The following PPP3CA variants were observed in gnomAD, a reference collection of about 807,000 sequenced individuals.
PPP3CA encodes CAM-PRP catalytic subunit.
A neutral mutation model predicts 66.5 loss-of-function variants in PPP3CA; 14 were observed. The observed-to-expected ratio is 0.21, with a 90% CI of 0.14 to 0.33. The LOEUF is 0.33. Ranked by LOEUF, PPP3CA falls within the 10% of genes least tolerant of loss-of-function variation. The pLI is 1.00. For synonymous variants in PPP3CA, 232 were observed against 226.2 expected (o/e 1.03, Z -0.23); for missense variants, 317 against 639.5 (o/e 0.50, Z 5.44).
At chr4:101,137,458 G>T (rs1578484109) in intron 2 of PPP3CA, among the ~76,000 whole-genome samples, 1 of 152,080 alleles carries the variant, frequency 6.6e-6, no homozygotes, top group East Asian at 1.9e-4. Context: ...CATGCTCGGT[G>T]TGAGAACGCA....
At chr4:101,057,927 T>C (rs1183792515) in intron 10 of PPP3CA, among the ~76,000 whole-genome samples, 1 of 152,102 alleles carries the variant, frequency 6.6e-6, no homozygotes, top group East Asian at 1.9e-4. Flanking sequence ...TTTTCACCTC[T>C]CCTCATCTCT....
intron 1 of PPP3CA, among the ~76,000 whole-genome samples, chr4:101,229,024 G>A (rs1301513713): frequency 6.6e-6 from 1 of 151,602 alleles, no homozygotes; most frequent in African/African-American, 2.4e-5. Context: ...ACAATAAGCT[G>A]TTTCTACAGT....
intron 1 of PPP3CA, among the ~76,000 whole-genome samples, chr4:101,234,213 C>T (rs570712387): frequency 6.6e-6 from 1 of 151,810 alleles, no homozygotes; most frequent in South Asian, 2.1e-4. Context: ...TATATGTGTG[C>T]ATATATCTTT....
At chr4:101,149,505 A>G (rs987363312) in intron 2 of PPP3CA, among the ~76,000 whole-genome samples, 1 of 152,174 alleles carries the variant, frequency 6.6e-6, no homozygotes, top group Non-Finnish European at 1.5e-5. Flanking sequence ...TTTTGCTAGA[A>G]TAAGTTTGAT....
intron 10 of PPP3CA, among the ~76,000 whole-genome samples, chr4:101,047,624 T>A (rs184266217): frequency 6.6e-6 from 1 of 152,210 alleles, no homozygotes; most frequent in Admixed American, 6.5e-5. Context: ...CTTTAAAATA[T>A]ATACATGTTT....
intron 3 of PPP3CA, among the ~76,000 whole-genome samples, chr4:101,106,504 G>GA (rs1266384985): frequency 3.6e-5 from 5 of 138,756 alleles, no homozygotes; most frequent in Admixed American, 2.1e-4. Flanking sequence ...AGAAAAGAAA[G>GA]AAAGAAAGAA....
chr4:101,033,622 C>A (rs1727110535), intron 11 of PPP3CA, among the ~76,000 whole-genome samples: 2 of 152,114 alleles, frequency 1.3e-5, no homozygotes, highest in African/African-American at 4.8e-5. Flanking sequence ...CTTTTGATAA[C>A]AGCTTTTTTG....
intron 1 of PPP3CA, among the ~76,000 whole-genome samples, chr4:101,325,998 G>A (rs2110327888): frequency 6.6e-6 from 1 of 152,234 alleles, no homozygotes; most frequent in East Asian, 1.9e-4. Context: ...CATTAGCCAG[G>A]TGGGGTCGCA....
chr4:101,341,601 C>A (rs1729820147), intron 1 of PPP3CA, among the ~76,000 whole-genome samples: 1 of 152,162 alleles, frequency 6.6e-6, no homozygotes, highest in Non-Finnish European at 1.5e-5. Flanking sequence ...TAACCACACA[C>A]TCCCCATTTC....
At chr4:101,063,185 C>T (rs1270704313) in intron 9 of PPP3CA, 47 bp downstream of exon 9, 1 of 1,586,024 alleles carries the variant, frequency 6.3e-7, no homozygotes, top group African/African-American at 1.4e-5. Flanking sequence ...CCTTTCCTTC[C>T]TTCCTAAACT....
intron 2 of PPP3CA, among the ~76,000 whole-genome samples, chr4:101,146,345 C>A (rs1359325322): frequency 6.6e-6 from 1 of 152,112 alleles, no homozygotes; most frequent in Admixed American, 6.5e-5. Flanking sequence ...ATTCTTGCAA[C>A]AATCCTGAAA....
intron 10 of PPP3CA, among the ~76,000 whole-genome samples, chr4:101,040,914 C>A (rs912715047): frequency 2.0e-5 from 3 of 152,124 alleles, no homozygotes; most frequent in Admixed American, 1.3e-4. Context: ...AGAGACCACG[C>A]ATTGGGAGGA....
At chr4:101,159,566 T>C (rs908074390) in intron 2 of PPP3CA, among the ~76,000 whole-genome samples, 5 of 152,200 alleles carry the variant, frequency 3.3e-5, no homozygotes, top group Admixed American at 6.5e-5. Flanking sequence ...ACTGGCCTTC[T>C]TTCTGGTGTC....
intron 1 of PPP3CA, among the ~76,000 whole-genome samples, chr4:101,262,012 CA>C (rs939823773): frequency 1.5e-4 from 22 of 151,456 alleles, no homozygotes; most frequent in Non-Finnish European, 1.9e-4. Context: ...TATACAATAA[CA>C]AAAAAAATAC....
chr4:101,344,896 A>C (rs1323845697), intron 1 of PPP3CA, among the ~76,000 whole-genome samples: 1 of 152,144 alleles, frequency 6.6e-6, no homozygotes, highest in African/African-American at 2.4e-5. Context: ...TTTTGATCTT[A>C]ACCTAGATTG....
At chr4:101,081,299 T>C (rs1223988348) in intron 7 of PPP3CA, among the ~76,000 whole-genome samples, 5 of 152,184 alleles carry the variant, frequency 3.3e-5, no homozygotes, top group Non-Finnish European at 7.4e-5. Context: ...GTTTCTATTT[T>C]AGAATTTTAT....
chr4:101,225,973 G>A (rs1725769255), intron 1 of PPP3CA, among the ~76,000 whole-genome samples: 1 of 151,698 alleles, frequency 6.6e-6, no homozygotes, highest in Non-Finnish European at 1.5e-5. Flanking sequence ...CCTTTTAATA[G>A]AAAATAGTTA....
chr4:101,145,930 A>G (rs1722955146), intron 2 of PPP3CA, among the ~76,000 whole-genome samples: 2 of 152,188 alleles, frequency 1.3e-5, no homozygotes, highest in South Asian at 2.1e-4. Context: ...TCATAAAAAT[A>G]TTATGTTAAA....
chr4:101,106,468 A>AGAAAGAAGAGAAGAGAAGAGAAGAGAAG (rs1560605272), intron 3 of PPP3CA, among the ~76,000 whole-genome samples: 1 of 46,134 alleles, frequency 2.2e-5, no homozygotes, highest in Non-Finnish European at 4.0e-5. Context: ...AAGAAAAGAA[A>AGAAAGAAGAGAAGAGAAGAGAAGAGAAG]AGAAAAGAAA....
Sources: allele counts gnomAD v4.1 joint callset (sites outside exome capture counted in the v4.1 genomes callset), GRCh38; gene constraint gnomAD v4.1.1; transcripts MANE v1.5; gene names NCBI Gene and HGNC (gene_info 2026-07-23, HGNC 2026-07-21).